The following TTLL5 variants were observed in gnomAD, a reference collection of about 807,000 sequenced individuals.
TTLL5 encodes the protein tubulin polyglutamylase TTLL5.
In TTLL5, 132 loss-of-function variants were observed where a neutral mutation model predicts 168.4. The observed-to-expected ratio is 0.78, with a 90% confidence interval of 0.68 to 0.91. The LOEUF is 0.91. Ranked by LOEUF, TTLL5 falls within the 40% of genes least tolerant of loss-of-function variation. TTLL5 has a pLI of 0.00. For missense variants in TTLL5, 1,545 were observed against 1,581.5 expected (o/e 0.98, Z 0.39); for synonymous variants, 546 against 558.6 (o/e 0.98, Z 0.32).
At chr14:75,903,303 G>A (rs2033004320) in intron 31 of TTLL5, among the ~76,000 whole-genome samples, 1 of 152,028 alleles carries the variant, frequency 6.6e-6, no homozygotes, top group Non-Finnish European at 1.5e-5. Flanking sequence ...AGTCAGCCAG[G>A]AGAGGAAAGG....
chr14:75,805,105 T>TACATTTGTCCATCTCTC (rs1893574326), intron 27 of TTLL5, among the ~76,000 whole-genome samples: 1 of 152,204 alleles, frequency 6.6e-6, no homozygotes, highest in Admixed American at 6.5e-5. Flanking sequence ...CTTCATCTCT[T>TACATTTGTCCATCTCTC]ACATTTGTCC....
rs1555359717 is a variant in TTLL5 at position 75,954,715 on chromosome 14, C to T, written c.*269C>T. ...ATGCATTATATACCCCGTCAGAGCA[C>T]ACTTGTATCTTTTACCTTCCCTTTG... On this transcript the variant is annotated 3_prime_UTR_variant, in exon 32 of 32. Coordinates refer to ENST00000298832, the MANE Select transcript of TTLL5 (RefSeq NM_015072.5). 1.9e-6 allele frequency: 1 copy of T among 513,466 alleles called. No homozygotes were observed. Among genetic ancestry groups the T allele is most frequent in the Non-Finnish European group, 3.5e-6 (1 of 287,598 alleles). The allele number at this position is 513,466 out of a possible 1,614,324, so 31.8% of individuals were successfully genotyped here. A position where few individuals can be genotyped will look rare whatever the true frequency, so the allele number is the denominator to read the frequency against.
intron 20 of TTLL5, among the ~76,000 whole-genome samples, chr14:75,767,009 C>T (rs1891004077): frequency 6.6e-6 from 1 of 151,896 alleles, no homozygotes; most frequent in South Asian, 2.1e-4. Flanking sequence ...ACTAAAAATA[C>T]AAAATTAGCT....
chr14:75,775,835 C>G (rs1891694687), intron 22 of TTLL5, among the ~76,000 whole-genome samples: 1 of 152,162 alleles, frequency 6.6e-6, no homozygotes, highest in South Asian at 2.1e-4. Context: ...TCTGAAGGCC[C>G]AGTGGCCATA....
At chr14:75,885,916 G>T (rs2032092593) in intron 30 of TTLL5, among the ~76,000 whole-genome samples, 1 of 152,188 alleles carries the variant, frequency 6.6e-6, no homozygotes, top group South Asian at 2.1e-4. Flanking sequence ...TGCATTTCAA[G>T]AAATTTTCAT....
intron 31 of TTLL5, among the ~76,000 whole-genome samples, chr14:75,914,033 A>AAAAAAAAAAAATATATATATATATATAT: frequency 4.2e-5 from 3 of 71,086 alleles, no homozygotes; most frequent in African/African-American, 3.1e-4. Context: ...AAAAAAAAAA[A>AAAAAAAAAAAATATATATATATATATAT]ATATATATAT....
intron 9 of TTLL5, among the ~76,000 whole-genome samples, chr14:75,715,991 C>T (rs1463170567): frequency 6.6e-6 from 1 of 152,120 alleles, no homozygotes; most frequent in Non-Finnish European, 1.5e-5. Context: ...GAAGCTTTCC[C>T]CTCCTTCTAA....
chr14:75,697,699 G>T (rs1300215263), intron 6 of TTLL5, among the ~76,000 whole-genome samples: 1 of 152,140 alleles, frequency 6.6e-6, no homozygotes, highest in Non-Finnish European at 1.5e-5. Context: ...CAAATGCAGG[G>T]TGGAGGGAAG....
chr14:75,868,654 A>G (rs1005927210), intron 29 of TTLL5, among the ~76,000 whole-genome samples: 3 of 152,204 alleles, frequency 2.0e-5, no homozygotes, highest in African/African-American at 4.8e-5. Flanking sequence ...CTGTGTGTGT[A>G]TATACACAAT....
chr14:75,663,729 C>T (rs1323133076), intron 2 of TTLL5, among the ~76,000 whole-genome samples: 1 of 152,210 alleles, frequency 6.6e-6, no homozygotes, highest in East Asian at 1.9e-4. Flanking sequence ...TTGACCCACA[C>T]TGCTTTCCTG....
At chr14:75,826,031 C>T (rs939166445) in intron 28 of TTLL5, among the ~76,000 whole-genome samples, 2 of 151,550 alleles carry the variant, frequency 1.3e-5, no homozygotes, top group Non-Finnish European at 2.9e-5. Flanking sequence ...AATAAAGGAA[C>T]GTTGGGAAGC....
chr14:75,776,725 G>T (rs201503899), intron 22 of TTLL5, 22 bp from the exon 23 acceptor site: 1 of 1,586,826 alleles, frequency 6.3e-7, no homozygotes, highest in African/African-American at 1.4e-5. Flanking sequence ...TTGTTTTTCT[G>T]TGGGGTTTGG....
chr14:75,827,875 G>A (rs536099941), intron 28 of TTLL5, among the ~76,000 whole-genome samples: 2 of 151,704 alleles, frequency 1.3e-5, no homozygotes, highest in South Asian at 4.2e-4. Flanking sequence ...GCACCACCAT[G>A]CCTGGCTAAT....
chr14:75,825,104 T>C (rs990119333), intron 28 of TTLL5, among the ~76,000 whole-genome samples: 1 of 152,210 alleles, frequency 6.6e-6, no homozygotes, highest in African/African-American at 2.4e-5. Flanking sequence ...CATTAAGTTG[T>C]TGTAAGATTA....
intron 30 of TTLL5, among the ~76,000 whole-genome samples, chr14:75,894,746 T>C (rs2032571090): frequency 6.6e-6 from 1 of 151,958 alleles, no homozygotes; most frequent in South Asian, 2.1e-4. Context: ...TAAAGTAAAA[T>C]ATCAACAAAA....
chr14:75,821,489 T>G (rs1398258868), intron 28 of TTLL5, among the ~76,000 whole-genome samples: 1 of 152,254 alleles, frequency 6.6e-6, no homozygotes, highest in Non-Finnish European at 1.5e-5. Flanking sequence ...ACATTTTCAC[T>G]GCAATTTTGG....
chr14:75,681,267 T>C (rs1027101515), intron 3 of TTLL5, among the ~76,000 whole-genome samples: 25 of 152,244 alleles, frequency 1.6e-4, no homozygotes, highest in African/African-American at 5.5e-4. Context: ...ATGTTAATAC[T>C]GCCTGTTTTG....
intron 18 of TTLL5, among the ~76,000 whole-genome samples, chr14:75,760,721 G>A (rs186866891): frequency 3.7e-4 from 56 of 152,052 alleles, no homozygotes; most frequent in African/African-American, 1.2e-3. Context: ...ACTGAATATC[G>A]TATTTTTAAA....
intron 27 of TTLL5, among the ~76,000 whole-genome samples, chr14:75,802,077 T>A (rs1301498588): frequency 6.6e-6 from 1 of 152,192 alleles, no homozygotes; most frequent in African/African-American, 2.4e-5. Context: ...TTTTTTGTTT[T>A]CCCTTTTCTA....
Sources: allele counts gnomAD v4.1 joint callset (sites outside exome capture counted in the v4.1 genomes callset), GRCh38; gene constraint gnomAD v4.1.1; transcripts MANE v1.5; gene names NCBI Gene and HGNC (gene_info 2026-07-23, HGNC 2026-07-21).